The following COL4A4 variants were observed in gnomAD, a reference collection of about 807,000 sequenced individuals.
COL4A4 encodes the protein collagen type IV alpha 4 chain, also known as collagen alpha-4(IV) chain.
A neutral mutation model predicts 192.9 loss-of-function variants in COL4A4; 105 were observed. The observed-to-expected ratio is 0.54, with a 90% CI of 0.46 to 0.64. The LOEUF (loss-of-function observed/expected upper bound fraction) is 0.64. Ranked by LOEUF, COL4A4 falls within the 30% of genes least tolerant of loss-of-function variation. The pLI is 0.00. For synonymous variants in COL4A4, 762 were observed against 769.9 expected (o/e 0.99, Z 0.17); for missense variants, 1,967 against 2,169.3 (o/e 0.91, Z 1.85).
intron 1 of COL4A4, among the ~76,000 whole-genome samples, chr2:227,155,042 T>C (rs551133484): frequency 1.3e-5 from 2 of 152,202 alleles, no homozygotes; most frequent in Admixed American, 1.3e-4. Context: ...ATGTGGTCCA[T>C]GGACCACCGG....
At chr2:227,134,369 A>T (rs2125211664) in intron 4 of COL4A4, among the ~76,000 whole-genome samples, 1 of 152,366 alleles carries the variant, frequency 6.6e-6, no homozygotes, top group African/African-American at 2.4e-5. Flanking sequence ...ACAAAAAAGC[A>T]AACCCAACAA....
At chr2:226,973,613 T>C in the COL4A4 span, among the ~76,000 whole-genome samples, 1 of 152,164 alleles carries the variant, frequency 6.6e-6, no homozygotes, top group Non-Finnish European at 1.5e-5. Flanking sequence ...CTCTCTAACA[T>C]TTTATGTTTG....
chr2:227,126,982 AT>A (rs1293925804), intron 4 of COL4A4, among the ~76,000 whole-genome samples: 1 of 152,250 alleles, frequency 6.6e-6, no homozygotes, highest in Non-Finnish European at 1.5e-5. Context: ...CTAGAGAATC[AT>A]TAAATAATCA....
intron 4 of COL4A4, among the ~76,000 whole-genome samples, chr2:227,138,385 G>C (rs2062964189): frequency 6.6e-6 from 1 of 152,054 alleles, no homozygotes; most frequent in Non-Finnish European, 1.5e-5. Context: ...TGTAATCCCA[G>C]AACTTTGGGA....
chr2:226,977,615 G>T, the COL4A4 span, among the ~76,000 whole-genome samples: 1 of 152,306 alleles, frequency 6.6e-6, no homozygotes, highest in African/African-American at 2.4e-5. Context: ...ATCAAACGCT[G>T]CACAGGGAGA....
intron 5 of COL4A4, among the ~76,000 whole-genome samples, chr2:227,120,263 C>T (rs2061703427): frequency 6.6e-6 from 1 of 152,180 alleles, no homozygotes; most frequent in Admixed American, 6.5e-5. Context: ...TATTTTTGCA[C>T]ATCTGCACTA....
At chr2:227,054,881 C>A (rs896286132) in intron 30 of COL4A4, 144 bp from the exon 31 acceptor site, 3 of 914,548 alleles carry the variant, frequency 3.3e-6, no homozygotes, top group Non-Finnish European at 5.1e-6. Flanking sequence ...CCTCTGCCTC[C>A]CAAGTTCAAG....
chr2:227,041,864 AAG>A (rs1559478720), intron 37 of COL4A4, among the ~76,000 whole-genome samples: 1 of 109,348 alleles, frequency 9.1e-6, no homozygotes, highest in Non-Finnish European at 1.9e-5. Flanking sequence ...GAAAGAAAGA[AAG>A]AAAGAAAGAA....
intron 25 of COL4A4, among the ~76,000 whole-genome samples, chr2:227,075,969 G>A (rs1407620116): frequency 6.6e-6 from 1 of 152,062 alleles, no homozygotes; most frequent in African/African-American, 2.4e-5. Context: ...ACAAACTACT[G>A]CTCAAAGAAA....
At chr2:227,088,920 C>A (rs538095728) in intron 21 of COL4A4, 104 bp from the exon 22 acceptor site, 1 of 1,338,812 alleles carries the variant, frequency 7.5e-7, no homozygotes, top group East Asian at 2.3e-5. Context: ...ACAAAGAGTC[C>A]GATATGCACT....
chr2:227,125,428 C>T (rs959592784), intron 4 of COL4A4, among the ~76,000 whole-genome samples: 2 of 151,872 alleles, frequency 1.3e-5, no homozygotes, highest in Non-Finnish European at 2.9e-5. Context: ...AGGCTGATCT[C>T]GAACTCCTGA....
chr2:227,038,601 A>G (rs1479328123), intron 37 of COL4A4, among the ~76,000 whole-genome samples: 1 of 152,176 alleles, frequency 6.6e-6, no homozygotes, highest in African/African-American at 2.4e-5. Context: ...TAATTATGTG[A>G]AGAAAGTCAA....
At chr2:226,997,359 T>A in the COL4A4 span, 1 of 152,236 alleles carries the variant, frequency 6.6e-6, no homozygotes, top group Non-Finnish European at 1.5e-5. Context: ...ATGCCACTTT[T>A]ATAGCATTTG....
In COL4A4 at chr2:227,103,075, G is replaced by A. The variant is rs1266215993; in HGVS notation, c.870+69C>T. On this transcript the variant is annotated intron_variant, in intron 14 of 47. Coordinates refer to ENST00000396625, the MANE Select transcript of COL4A4 (RefSeq NM_000092.5). ...CTTAAAGCAATGATAAAGACCATGA[G>A]AAATAACATTTTAAGTTAAGATAGT... 13 of 1,389,276 alleles carry A rather than the reference G, an allele frequency of 9.4e-6. No individual in the cohort carries two copies. The African/African-American group carries it at 1.9e-4, about 20-fold the overall frequency. The allele number at this position is 1,389,276 out of a possible 1,614,324, so 86.1% of individuals were successfully genotyped here. A position where few individuals can be genotyped will look rare whatever the true frequency, so the allele number is the denominator to read the frequency against.
chr2:227,094,057 T>A, intron 20 of COL4A4, 68 bp downstream of exon 20: 2 of 1,405,712 alleles, frequency 1.4e-6, no homozygotes, highest in Non-Finnish European at 2.0e-6. Flanking sequence ...AAACTATGCT[T>A]TCTTAGTGGC....
intron 1 of COL4A4, among the ~76,000 whole-genome samples, chr2:227,162,650 C>G (rs1039572577): frequency 6.6e-6 from 1 of 152,144 alleles, no homozygotes; most frequent in African/African-American, 2.4e-5. Flanking sequence ...TATTATTCTA[C>G]TAAGAATATA....
Position 227,056,013 on chromosome 2 carries a change from G to GGACCATGTGCCCCAGGCCGTCCTGGGA in COL4A4, c.2621_2647dup (p.Leu874_Gly882dup), listed in dbSNP as rs765923395. On this transcript the variant is annotated inframe_insertion, in exon 30 of 48. Transcript: ENST00000396625. ...ACCTGGGATTCCTGGGAGGCCTGGG[G>GGACCATGTGCCCCAGGCCGTCCTGGGA]GACCATGTGCCCCAGGCCGTCCTGG... 3.7e-6 allele frequency: 6 copies of GGACCATGTGCCCCAGGCCGTCCTGGGA among 1,613,914 alleles called. No homozygotes were observed. Among genetic ancestry groups the GGACCATGTGCCCCAGGCCGTCCTGGGA allele is most frequent in the South Asian group, 2.2e-5 (2 of 91,068 alleles).
rs1037446300 is a variant in COL4A4 at position 227,003,954 on chromosome 2, T to C, written c.*3371A>G. 1.5e-4 allele frequency: 23 copies of C among 152,206 alleles called. No homozygotes were observed. The highest frequency in any genetic ancestry group is 5.5e-4 in the African/African-American group (23 of 41,448). 9.4% of individuals were successfully genotyped at this position (152,206 alleles called of 1,614,324 possible). A position where few individuals can be genotyped will look rare whatever the true frequency, so the allele number is the denominator to read the frequency against. On this transcript the variant is annotated 3_prime_UTR_variant, in exon 48 of 48. Coordinates refer to ENST00000396625, the MANE Select transcript of COL4A4 (RefSeq NM_000092.5). ...TACAAATATGTTGAATATTAAAATATTCTGAAATAGGAAATGGTTTATACT... is the reference window on the plus strand; with the variant it reads ...TACAAATATGTTGAATATTAAAATACTCTGAAATAGGAAATGGTTTATACT...
intron 7 of COL4A4, among the ~76,000 whole-genome samples, chr2:227,115,520 C>T (rs1268247405): frequency 6.6e-6 from 1 of 152,072 alleles, no homozygotes; most frequent in East Asian, 1.9e-4. Context: ...GATCCACCCG[C>T]CTCGGCCTCC....
Sources: allele counts gnomAD v4.1 joint callset (sites outside exome capture counted in the v4.1 genomes callset), GRCh38; gene constraint gnomAD v4.1.1; transcripts MANE v1.5; gene names NCBI Gene and HGNC (gene_info 2026-07-23, HGNC 2026-07-21).